IGDCC4: variants seen among roughly 807,000 people sequenced by gnomAD.
IGDCC4 encodes the protein immunoglobulin superfamily DCC subclass member 4.
In IGDCC4, 72 loss-of-function variants were observed where a neutral mutation model predicts 116.6. The ratio of observed to expected loss-of-function variants is 0.62; its 90% CI spans 0.51 to 0.75. The LOEUF is 0.75. Ranked by LOEUF, IGDCC4 falls within the 30% of genes least tolerant of loss-of-function variation. The pLI, the probability that IGDCC4 is intolerant of heterozygous loss-of-function variation, is 0.00. For missense variants in IGDCC4, 1,501 were observed against 1,662.4 expected (o/e 0.90, Z 1.69); for synonymous variants, 709 against 719.9 (o/e 0.98, Z 0.24).
chr15:65,409,737 A>G (rs935975626), intron 3 of IGDCC4, among the ~76,000 whole-genome samples: 4 of 152,222 alleles, frequency 2.6e-5, no homozygotes, highest in Non-Finnish European at 5.9e-5. Flanking sequence ...TTGAGAGAGG[A>G]AGAGAAGTTA....
chr15:65,390,310 C>T lies in IGDCC4; in HGVS notation c.2253G>A (p.Leu751=). 6.2e-7 allele frequency: 1 copy of T among 1,607,092 alleles called. No homozygotes were observed. The highest frequency in any genetic ancestry group is 8.5e-7 in the Non-Finnish European group (1 of 1,174,500). Residue 751 remains leucine, a synonymous_variant, in exon 13 of 20, where the codon CTG becomes CTA. Coordinates refer to ENST00000352385, the MANE Select transcript of IGDCC4 (RefSeq NM_020962.3). ...PDMPIQRGPP[L]PPAHVHAESN... is the part of the protein sequence containing the mutation. ...ATTCCGCATGGACGTGGGCTGGAGG[C>T]AGGGGTGGTCCCCTCTGGATAGGCA... is the stretch of plus-strand genomic sequence containing the variant.
chr15:65,401,887 G>T (rs2062990243), intron 4 of IGDCC4, among the ~76,000 whole-genome samples: 1 of 152,134 alleles, frequency 6.6e-6, no homozygotes, highest in South Asian at 2.1e-4. Flanking sequence ...TCAAAGAAAC[G>T]AGTAAAGGAT....
chr15:65,411,427 T>C, intron 1 of IGDCC4, 57 bp from the exon 2 acceptor site: 1 of 1,419,954 alleles, frequency 7.0e-7, no homozygotes. Flanking sequence ...TCCCACAGCC[T>C]CTGCTCCTGA....
At chr15:65,412,187 C>G (rs2063101041) in intron 1 of IGDCC4, among the ~76,000 whole-genome samples, 1 of 152,110 alleles carries the variant, frequency 6.6e-6, no homozygotes, top group African/African-American at 2.4e-5. Flanking sequence ...ACACTGCACT[C>G]CAGCCTGGCT....
At chr15:65,397,066 ACT>A (rs2062935629) in intron 5 of IGDCC4, 77 bp from the exon 6 acceptor site, 2 of 1,498,928 alleles carry the variant, frequency 1.3e-6, no homozygotes, top group Non-Finnish European at 1.8e-6. Flanking sequence ...CCTCAGGAAC[ACT>A]CTGCACCCGG....
intron 13 of IGDCC4, 90 bp from the exon 14 acceptor site, chr15:65,389,501 C>T: frequency 6.4e-7 from 1 of 1,571,510 alleles, no homozygotes; most frequent in East Asian, 2.2e-5. Context: ...CAGTCAGCCC[C>T]AGCCCCAGGC....
chr15:65,422,764 C>T, intron 1 of IGDCC4, 29 bp downstream of exon 1: 1 of 1,332,032 alleles, frequency 7.5e-7, no homozygotes. Flanking sequence ...TCCGCAGTCG[C>T]TCCTGCCTCT....
At chr15:65,396,310 T>G in intron 6 of IGDCC4, 147 bp from the exon 7 acceptor site, 3 of 832,216 alleles carry the variant, frequency 3.6e-6, no homozygotes, top group African/African-American at 1.8e-5. Flanking sequence ...CTTTCCAAAC[T>G]ACTCCGGCTC....
Position 65,400,937 on chromosome 15 carries a change from G to A in IGDCC4, c.710C>T (p.Ala237Val), listed in dbSNP as rs764509822. ...LLSVAHRGSL[A>V]STRGQDVVIV... is the part of the protein sequence containing the mutation. ...GACCACGTCCTGCCCCCTGGTGGAC[G>A]CCAGGGACCCTGGCGAGAAGACAGA... Residue 237 changes from alanine (A) to valine (V), a missense_variant, in exon 5 of 20, where the codon GCG (alanine) becomes GTG (valine). By Grantham distance (64) the Ala-to-Val change is moderately conservative. Around this residue, in one of 3 missense-constraint regions of IGDCC4, gnomAD observed 898 missense variants for 978.9 expected, o/e 0.92. Transcript: ENST00000352385. 72 of 1,613,992 alleles carry A rather than the reference G, an allele frequency of 4.5e-5. No homozygotes were observed. Among genetic ancestry groups the A allele is most frequent in the South Asian group, 9.9e-5 (9 of 91,086 alleles).
At chr15:65,416,262 C>T (rs939502484) in intron 1 of IGDCC4, among the ~76,000 whole-genome samples, 7 of 151,444 alleles carry the variant, frequency 4.6e-5, no homozygotes, top group Middle Eastern at 3.4e-3. Context: ...CTCAGCCTCC[C>T]GAGTAGCTGG....
At chr15:65,398,850 A>C (rs1412947406) in intron 5 of IGDCC4, among the ~76,000 whole-genome samples, 1 of 152,216 alleles carries the variant, frequency 6.6e-6, no homozygotes, top group Admixed American at 6.5e-5. Context: ...AGATCGCGCC[A>C]CTGCACTCCA....
intron 1 of IGDCC4, among the ~76,000 whole-genome samples, chr15:65,415,926 T>G (rs2063138389): frequency 6.6e-6 from 1 of 151,986 alleles, no homozygotes; most frequent in South Asian, 2.1e-4. Flanking sequence ...CAAGGGGGTG[T>G]GGTGGGACAA....
Position 65,391,931 on chromosome 15 carries a change from C to A in IGDCC4, c.2173G>T (p.Asp725Tyr). 6.2e-7 allele frequency: 1 copy of A among 1,613,906 alleles called. No individual in the cohort carries two copies. Among genetic ancestry groups the A allele is most frequent in the Non-Finnish European group, 8.5e-7 (1 of 1,179,930 alleles). ...CCCTTCCACACTGCTGCATAGCCAT[C>A]CTCATGTTTGTTGAAAGCCACGAGC... ...VKLVAFNKHE[D>Y]GYAAVWKGKT... Residue 725 changes from aspartate to tyrosine, a missense_variant, in exon 12 of 20, where the codon GAT becomes TAT. Asp to Tyr is a radical substitution (Grantham distance 160). Around this residue, in one of 3 missense-constraint regions of IGDCC4, gnomAD observed 898 missense variants for 978.9 expected, o/e 0.92. Transcript: ENST00000352385.
intron 3 of IGDCC4, 115 bp downstream of exon 3, chr15:65,410,063 T>C: frequency 7.9e-7 from 1 of 1,262,916 alleles, no homozygotes; most frequent in East Asian, 2.4e-5. Flanking sequence ...TGGTTAACAC[T>C]CAAGTCAGCT....
intron 1 of IGDCC4, among the ~76,000 whole-genome samples, chr15:65,415,566 C>A (rs969920167): frequency 1.3e-5 from 2 of 152,196 alleles, no homozygotes; most frequent in Non-Finnish European, 2.9e-5. Flanking sequence ...GTGCCAGGAG[C>A]CCAAGACAGC....
chr15:65,405,229 G>A (rs973682639), intron 3 of IGDCC4, among the ~76,000 whole-genome samples: 1 of 151,478 alleles, frequency 6.6e-6, no homozygotes, highest in African/African-American at 2.4e-5. Context: ...GCCACAGGTG[G>A]CAAAGCTCGT....
At chr15:65,400,690 C>T in intron 5 of IGDCC4, 116 bp downstream of exon 5, 1 of 1,330,634 alleles carries the variant, frequency 7.5e-7, no homozygotes, top group African/African-American at 1.5e-5. Context: ...GTTCGTGCCA[C>T]ACCAGAAGGT....
chr15:65,385,869 C>A lies in IGDCC4; in HGVS notation c.3142G>T (p.Gly1048Cys). The change falls in exon 18 of 20, where the codon GGC (glycine) becomes TGC (cysteine). Residue 1048 changes from glycine to cysteine, a missense_variant. Gly to Cys is a radical substitution (Grantham distance 159, BLOSUM62 -3). Transcript: ENST00000352385. The part of the protein sequence containing the change: ...DRAEVHSLMG[G>C]GVSEGRSHSK... ...TGACTCCGGCCTTCAGAAACACCGCCACCCATAAGGCTGTGCACTTCAGCC... is the reference window on the plus strand; with the variant it reads ...TGACTCCGGCCTTCAGAAACACCGCAACCCATAAGGCTGTGCACTTCAGCC... 1.2e-6 allele frequency: 2 copies of A among 1,612,864 alleles called. No homozygotes were observed. Among genetic ancestry groups the A allele is most frequent in the Non-Finnish European group, 1.7e-6 (2 of 1,180,038 alleles).
chr15:65,386,553 G>T lies in IGDCC4; in HGVS notation c.2949C>A (p.His983Gln), dbSNP rs1273673244. The T allele has an allele frequency of 1.3e-6, 2 of 1,598,304 alleles. No homozygotes were observed. The highest frequency in any genetic ancestry group is 1.1e-5 in the South Asian group (1 of 88,384). The stretch of plus-strand genomic sequence containing the variant: ...GTCAGACTGGCTCCCCTGCTCACCT[G>T]TGGGGGCTGCGGCGCAGGCCAGCAC... ...CMCAGLRRSPHRESLPGLSST... is the reference protein window; with the variant it reads ...CMCAGLRRSPQRESLPGLSST... Residue 983 changes from histidine (H) to glutamine (Q), a missense_variant and splice_region_variant, in exon 17 of 20, where the codon CAC becomes CAA. Physicochemically the swap from His to Gln is conservative, Grantham distance 24. Around this residue, in one of 3 missense-constraint regions of IGDCC4, gnomAD observed 368 missense variants for 355.6 expected, o/e 1.03. Transcript: ENST00000352385.
Sources: allele counts gnomAD v4.1 joint callset (sites outside exome capture counted in the v4.1 genomes callset), GRCh38; gene constraint gnomAD v4.1.1; regional missense constraint gnomAD v4.1.1; transcripts MANE v1.5; gene names NCBI Gene and HGNC (gene_info 2026-07-23, HGNC 2026-07-21).